The following TBL1X variants were observed in gnomAD, a reference collection of about 807,000 sequenced individuals.
TBL1X encodes the protein F-box-like/WD repeat-containing protein TBL1X.
In TBL1X, 10 loss-of-function variants were observed where a neutral mutation model predicts 50.7. The ratio of observed to expected loss-of-function variants is 0.20; its 90% CI spans 0.12 to 0.33. TBL1X has a LOEUF of 0.33. TBL1X is among the 10% of genes least tolerant of loss of function. The pLI, the probability that TBL1X is intolerant of heterozygous loss-of-function variation, is 1.00. For missense variants in TBL1X, 340 were observed against 504.4 expected (o/e 0.67, Z 3.12); for synonymous variants, 190 against 214.7 (o/e 0.88, Z 1.01).
chrX:9,662,412 C>T (rs757382978), intron 5 of TBL1X, among the ~76,000 whole-genome samples: 23 of 111,867 alleles, frequency 2.1e-4, no homozygotes, highest in South Asian at 3.8e-4. Flanking sequence ...GACACAGGCT[C>T]CAGCACGGAT....
chrX:9,578,409 C>G (rs2082423432), intron 2 of TBL1X, among the ~76,000 whole-genome samples: 1 of 110,892 alleles, frequency 9.0e-6, no homozygotes, highest in African/African-American at 3.3e-5. Flanking sequence ...AAAGTGCTGC[C>G]GTTAGAGATG....
At chrX:9,589,693 A>T (rs1188864930) in intron 2 of TBL1X, among the ~76,000 whole-genome samples, 1 of 111,547 alleles carries the variant, frequency 9.0e-6, no homozygotes, top group Non-Finnish European at 1.9e-5. Flanking sequence ...TTTTCTTCTG[A>T]AAAGAATACC....
Position 9,717,570 on chromosome X carries a change from C to T in TBL1X, c.*1324C>T, listed in dbSNP as rs2083286568. On this transcript the variant is annotated 3_prime_UTR_variant, in exon 18 of 18. Coordinates refer to ENST00000645353, the MANE Select transcript of TBL1X (RefSeq NM_005647.4). ...AGCCAGCAGGAAAGCAGCGAAGAGC[C>T]GCGCGCCCTCTGGCCTCAAGGGAGC... 8.8e-6 allele frequency: 1 copy of T among 113,084 alleles called. No individual in the cohort carries two copies. Among genetic ancestry groups the T allele is most frequent in the Admixed American group, 9.3e-5 (1 of 10,759 alleles). 9.3% of individuals were successfully genotyped at this position (113,084 alleles called of 1,213,427 possible). A position where few individuals can be genotyped will look rare whatever the true frequency, so the allele number is the denominator to read the frequency against.
chrX:9,620,570 A>G (rs2072116657), intron 2 of TBL1X, among the ~76,000 whole-genome samples: 1 of 112,198 alleles, frequency 8.9e-6, no homozygotes, highest in African/African-American at 3.2e-5. Flanking sequence ...GAAGAGATGG[A>G]TGAACCGAAG....
intron 15 of TBL1X, among the ~76,000 whole-genome samples, chrX:9,711,337 A>G (rs1373015289): frequency 2.1e-5 from 2 of 97,076 alleles, no homozygotes; most frequent in Non-Finnish European, 4.2e-5. Context: ...GTAAGACCCC[A>G]TCTCAAAAAA....
chrX:9,608,604 GATTTT>G (rs1224595901), intron 2 of TBL1X, among the ~76,000 whole-genome samples: 1 of 111,861 alleles, frequency 8.9e-6, no homozygotes, highest in African/African-American at 3.3e-5. Flanking sequence ...ATCTATCTAG[GATTTT>G]ATTTTCTTTT....
chrX:9,491,605 G>A (rs918538491), intron 1 of TBL1X, among the ~76,000 whole-genome samples: 1 of 109,642 alleles, frequency 9.1e-6, no homozygotes, highest in Non-Finnish European at 1.9e-5. Flanking sequence ...GTTGCTAATG[G>A]TATCAATTGC....
Position 9,665,488 on chromosome X carries a change from GCTATATATATATATATAT to G in TBL1X, c.211+11167_211+11184del, listed in dbSNP as rs1406246517. ...AACTTAATTAAAAACTGATATTCAA[GCTATATATATATATATAT>G]ATATATATATATATATATATATATA... On this transcript the variant is annotated intron_variant, in intron 5 of 17. Coordinates refer to ENST00000645353, the MANE Select transcript of TBL1X (RefSeq NM_005647.4). Among the ~76,000 whole-genome samples, 9 of 15,063 alleles carry G rather than the reference GCTATATATATATATATAT, an allele frequency of 6.0e-4. No homozygotes were observed. In the South Asian group the frequency reaches 0.037, roughly 62 times the overall value. 13.1% of individuals were successfully genotyped at this position (15,063 alleles called of 115,157 possible). A position where few individuals can be genotyped will look rare whatever the true frequency, so the allele number is the denominator to read the frequency against.
intron 2 of TBL1X, among the ~76,000 whole-genome samples, chrX:9,538,474 C>T (rs1381655309): frequency 1.8e-5 from 2 of 112,029 alleles, no homozygotes; most frequent in Non-Finnish European, 3.8e-5. Flanking sequence ...TTTTTATGTG[C>T]GCTATCCTTA....
At chrX:9,570,826 C>T (rs753411873) in intron 2 of TBL1X, among the ~76,000 whole-genome samples, 28 of 109,164 alleles carry the variant, frequency 2.6e-4, no homozygotes, top group Non-Finnish European at 2.9e-4. Context: ...TACAGGCCCC[C>T]GCCACCATGC....
rs1277883418 is a variant in TBL1X at position 9,692,211 on chromosome X, A to G, written c.848A>G (p.His283Arg). The part of the protein sequence containing the change: ...VLRHCIREGG[H>R]DVPSNKDVTS... Reference sequence around the variant, plus strand: ...AGGCACTGTATACGAGAGGGGGGCCATGACGTCCCGAGTAACAAAGACGTC... The same window carrying G: ...AGGCACTGTATACGAGAGGGGGGCCGTGACGTCCCGAGTAACAAAGACGTC... Residue 283 changes from histidine to arginine, a missense_variant, in exon 9 of 18, where the codon CAT becomes CGT. Coordinates refer to ENST00000645353, the MANE Select transcript of TBL1X (RefSeq NM_005647.4). 1 of 1,203,053 alleles carries G rather than the reference A, an allele frequency of 8.3e-7. No individual in the cohort carries two copies.
intron 5 of TBL1X, among the ~76,000 whole-genome samples, chrX:9,670,081 T>C (rs2082951917): frequency 8.9e-6 from 1 of 112,066 alleles, no homozygotes; most frequent in Non-Finnish European, 1.9e-5. Context: ...TGAGAGGGGC[T>C]TGAATTCTAA....
intron 1 of TBL1X, among the ~76,000 whole-genome samples, chrX:9,466,881 A>C (rs1050344537): frequency 1.8e-5 from 2 of 112,337 alleles, no homozygotes; most frequent in Non-Finnish European, 3.8e-5. Flanking sequence ...TGCAAACAAC[A>C]AAAGTTGTTC....
At chrX:9,619,914 A>G (rs1236863733) in intron 2 of TBL1X, among the ~76,000 whole-genome samples, 1 of 112,556 alleles carries the variant, frequency 8.9e-6, no homozygotes, top group Non-Finnish European at 1.9e-5. Flanking sequence ...TCTGGCGGGA[A>G]ACAGGCAGAC....
At chrX:9,626,489 G>A (rs769836006) in intron 2 of TBL1X, among the ~76,000 whole-genome samples, 18 of 112,086 alleles carry the variant, frequency 1.6e-4, no homozygotes, top group African/African-American at 3.6e-4. Flanking sequence ...AGCCTGTGCC[G>A]TTAGTTTACA....
At chrX:9,637,755 T>C (rs1251262208) in intron 2 of TBL1X, 1 of 111,158 alleles carries the variant, frequency 9.0e-6, no homozygotes, top group Non-Finnish European at 1.9e-5. Context: ...CCCAAGAGCA[T>C]CGGCGGATCC....
chrX:9,476,449 G>C (rs2081849924), intron 1 of TBL1X, among the ~76,000 whole-genome samples: 1 of 112,406 alleles, frequency 8.9e-6, no homozygotes, highest in Non-Finnish European at 1.9e-5. Context: ...TTAATCATTT[G>C]CTTATTTGCC....
chrX:9,487,253 A>G (rs1208672047), intron 1 of TBL1X, among the ~76,000 whole-genome samples: 1 of 111,335 alleles, frequency 9.0e-6, no homozygotes, highest in Non-Finnish European at 1.9e-5. Flanking sequence ...ATTTTTGAAC[A>G]TTTTCATCAC....
chrX:9,700,712 A>T (rs2239412), intron 12 of TBL1X, among the ~76,000 whole-genome samples: 18,899 of 110,468 alleles, frequency 0.17, 1,446 homozygotes, highest in East Asian at 0.42. Flanking sequence ...GATAGGAGAC[A>T]TTGCCTTGCC....
Sources: gnomAD v4.1 joint callset for allele counts (sites outside exome capture counted in the v4.1 genomes callset) on GRCh38, gnomAD v4.1.1 for gene constraint, MANE v1.5 for transcripts, NCBI Gene and HGNC (gene_info 2026-07-23, HGNC 2026-07-21) for gene names.